PCDH11X: variants seen among roughly 807,000 people sequenced by gnomAD.
The protein encoded by PCDH11X is protocadherin-11 X-linked.
Under a neutral mutation model 53.3 loss-of-function variants are expected in PCDH11X, and 18 were observed. That is an observed-to-expected ratio of 0.34 (90% CI 0.23 to 0.50). PCDH11X has a LOEUF of 0.50. Ranked by LOEUF, PCDH11X falls within the 20% of genes least tolerant of loss-of-function variation. The pLI is 0.98. For synonymous variants in PCDH11X, 279 were observed against 393.3 expected (o/e 0.71, Z 3.44); for missense variants, 570 against 1,032.4 (o/e 0.55, Z 6.14).
intron 10 of PCDH11X, among the ~76,000 whole-genome samples, chrX:92,501,707 G>T (rs2073962264): frequency 1.8e-5 from 2 of 111,516 alleles, no homozygotes; most frequent in Non-Finnish European, 3.8e-5. Flanking sequence ...ACTAGGAATT[G>T]AAGGAACAGA....
chrX:92,245,068 A>G (rs765038067), intron 7 of PCDH11X, among the ~76,000 whole-genome samples: 1 of 112,631 alleles, frequency 8.9e-6, no homozygotes, highest in Admixed American at 9.4e-5. Context: ...TAAACTGGGA[A>G]AAAAGGAGAT....
chrX:92,196,143 C>T (rs1183890625), intron 6 of PCDH11X, among the ~76,000 whole-genome samples: 1 of 111,633 alleles, frequency 9.0e-6, no homozygotes, highest in Non-Finnish European at 1.9e-5. Flanking sequence ...AAAATTTTGA[C>T]CAAACACTAA....
At chrX:92,505,905 T>C (rs985122073) in intron 10 of PCDH11X, among the ~76,000 whole-genome samples, 8 of 111,230 alleles carry the variant, frequency 7.2e-5, no homozygotes, top group African/African-American at 2.6e-4. Flanking sequence ...TTCCTAGATA[T>C]TTCATTCTTT....
intron 7 of PCDH11X, among the ~76,000 whole-genome samples, chrX:92,251,703 G>A (rs756957146): frequency 4.9e-4 from 55 of 111,149 alleles, no homozygotes; most frequent in African/African-American, 1.8e-3. Context: ...TAAATACAAG[G>A]TGATGATGGC....
At chrX:91,927,895 A>G (rs1941999653) in intron 6 of PCDH11X, among the ~76,000 whole-genome samples, 2 of 111,106 alleles carry the variant, frequency 1.8e-5, no homozygotes, top group Admixed American at 9.6e-5. Context: ...ATAATTCACA[A>G]GGGTGTGGAG....
intron 6 of PCDH11X, among the ~76,000 whole-genome samples, chrX:92,192,571 T>C (rs1351846896): frequency 9.1e-6 from 1 of 110,352 alleles, no homozygotes; most frequent in African/African-American, 3.3e-5. Context: ...ATGGTCTTGA[T>C]CTCTTGACCT....
At chrX:92,299,082 G>A (rs2068668344) in intron 8 of PCDH11X, among the ~76,000 whole-genome samples, 1 of 111,076 alleles carries the variant, frequency 9.0e-6, no homozygotes, top group African/African-American at 3.3e-5. Context: ...GGAGGTTTGG[G>A]GAGTTCCTTT....
At chrX:91,961,775 G>C (rs2061791194) in intron 6 of PCDH11X, among the ~76,000 whole-genome samples, 1 of 106,040 alleles carries the variant, frequency 9.4e-6, no homozygotes, top group Non-Finnish European at 1.9e-5. Context: ...TAAAGGAAAA[G>C]GTTTAATTGA....
chrX:91,844,832 G>T (rs186209646), intron 5 of PCDH11X, among the ~76,000 whole-genome samples: 32 of 107,322 alleles, frequency 3.0e-4, no homozygotes, highest in African/African-American at 1.0e-3. Context: ...GGGAAATATA[G>T]CAGAATAAAC....
intron 4 of PCDH11X, among the ~76,000 whole-genome samples, chrX:91,823,235 C>G (rs1343961026): frequency 9.0e-6 from 1 of 110,738 alleles, no homozygotes; most frequent in Admixed American, 9.7e-5. Context: ...TCCTTGTTGA[C>G]TTTCTGTCTA....
intron 6 of PCDH11X, among the ~76,000 whole-genome samples, chrX:91,893,862 C>T (rs1174036096): frequency 9.0e-6 from 1 of 111,564 alleles, no homozygotes. Context: ...AAGGAATGAA[C>T]TTCTTGGCAC....
At chrX:91,918,328 A>T (rs908038965) in intron 6 of PCDH11X, among the ~76,000 whole-genome samples, 1 of 108,837 alleles carries the variant, frequency 9.2e-6, no homozygotes, top group African/African-American at 3.3e-5. Context: ...TGTTGTTTTC[A>T]TCTTGAGGAG....
At chrX:91,980,178 C>T (rs3950430) in intron 6 of PCDH11X, among the ~76,000 whole-genome samples, 1,142 of 74,634 alleles carry the variant, frequency 0.015, 31 homozygotes, top group African/African-American at 0.056. Flanking sequence ...ACAGCTCTAA[C>T]CTGAACCAGA....
chrX:91,794,341 G>A (rs1049676407), intron 1 of PCDH11X, among the ~76,000 whole-genome samples: 5 of 111,520 alleles, frequency 4.5e-5, no homozygotes, highest in African/African-American at 1.6e-4. Context: ...CGTCAATTTA[G>A]TTAGGAGTAA....
chrX:91,887,900 C>G (rs954069699), intron 6 of PCDH11X, among the ~76,000 whole-genome samples: 1 of 111,227 alleles, frequency 9.0e-6, no homozygotes, highest in African/African-American at 3.3e-5. Context: ...TGAGACTAAA[C>G]TCCCCTGAGT....
At chrX:92,197,729 C>T (rs1201242852) in intron 6 of PCDH11X, among the ~76,000 whole-genome samples, 1 of 111,351 alleles carries the variant, frequency 9.0e-6, no homozygotes, top group Non-Finnish European at 1.9e-5. Context: ...AATAAGATAA[C>T]AATAATGTAT....
At chrX:92,468,656 A>G (rs2073202174) in intron 10 of PCDH11X, among the ~76,000 whole-genome samples, 1 of 107,208 alleles carries the variant, frequency 9.3e-6, no homozygotes, top group African/African-American at 3.4e-5. Context: ...CTCTGATAGT[A>G]TAAGCATTTT....
chrX:92,299,256 A>T (rs2068672137), intron 8 of PCDH11X, among the ~76,000 whole-genome samples: 1 of 111,449 alleles, frequency 9.0e-6, no homozygotes, highest in Non-Finnish European at 1.9e-5. Flanking sequence ...CTTTTGTTAC[A>T]TTCCATCCTG....
At chrX:92,240,275 C>T (rs2067241283) in intron 7 of PCDH11X, among the ~76,000 whole-genome samples, 1 of 111,597 alleles carries the variant, frequency 9.0e-6, no homozygotes, top group South Asian at 3.7e-4. Flanking sequence ...TTCTCTGTGT[C>T]TAGAAGCCAC....
Sources: allele counts gnomAD v4.1 joint callset (sites outside exome capture counted in the v4.1 genomes callset), GRCh38; gene constraint gnomAD v4.1.1; transcripts MANE v1.5; gene names NCBI Gene and HGNC (gene_info 2026-07-23, HGNC 2026-07-21).